CCDC102B: variants seen among roughly 807,000 people sequenced by gnomAD.
The protein encoded by CCDC102B is coiled-coil domain-containing protein 102B.
A neutral mutation model predicts 57.4 loss-of-function variants in CCDC102B; 75 were observed. The observed-to-expected ratio is 1.31, with a 90% CI of 1.08 to 1.58. The LOEUF is 1.58. Ranked by LOEUF, CCDC102B falls within the 40% of genes most tolerant of loss-of-function variation. The pLI, the probability that CCDC102B is intolerant of heterozygous loss-of-function variation, is 0.00. For synonymous variants in CCDC102B, 206 were observed against 201.9 expected, an observed-to-expected ratio of 1.02 and a Z score of -0.17; for missense variants, 636 against 582.6, an observed-to-expected ratio of 1.09 and a Z score of -0.94.
intron 6 of CCDC102B, among the ~76,000 whole-genome samples, chr18:68,937,034 C>T (rs2049260532): frequency 1.3e-5 from 2 of 151,970 alleles, no homozygotes; most frequent in African/African-American, 4.8e-5. Context: ...ATTTTGCCAA[C>T]CACTTAATCC....
At chr18:68,853,672 TAA>T (rs71175201) in intron 4 of CCDC102B, among the ~76,000 whole-genome samples, 2,225 of 94,344 alleles carry the variant, frequency 0.024, 91 homozygotes, top group African/African-American at 0.089. Context: ...CCCCAAATTG[TAA>T]AAAAAAAAAA....
At chr18:68,865,794 C>G (rs528902216) in intron 4 of CCDC102B, among the ~76,000 whole-genome samples, 156 of 152,228 alleles carry the variant, frequency 1.0e-3, no homozygotes, top group African/African-American at 3.6e-3. Flanking sequence ...TTCTAATTTT[C>G]TCTTTATAAG....
chr18:68,775,422 T>C (rs1012335956), intron 2 of CCDC102B, among the ~76,000 whole-genome samples: 2 of 152,136 alleles, frequency 1.3e-5, no homozygotes, highest in Non-Finnish European at 2.9e-5. Flanking sequence ...GCTTGATATG[T>C]ATTTTGTCTC....
intron 6 of CCDC102B, among the ~76,000 whole-genome samples, chr18:68,965,654 T>TA (rs1033879876): frequency 2.2e-4 from 33 of 151,654 alleles, no homozygotes; most frequent in African/African-American, 6.5e-4. Flanking sequence ...TTTATAAAAT[T>TA]AAAAAAAATC....
chr18:68,880,314 C>T (rs973049385), intron 5 of CCDC102B, among the ~76,000 whole-genome samples: 1 of 152,250 alleles, frequency 6.6e-6, no homozygotes, highest in Non-Finnish European at 1.5e-5. Context: ...AGCCCATGCC[C>T]ACCCGGAACT....
upstream of CCDC102B, among the ~76,000 whole-genome samples, chr18:68,793,590 TATCCATCCATCCATCC>T (rs10628588): frequency 6.7e-6 from 1 of 149,300 alleles, no homozygotes. Flanking sequence ...GTTCATAGAA[TATCCATCCATCCATCC>T]ATCCATCCAT....
Position 68,838,729 on chromosome 18 carries a change from T to A in CCDC102B, c.630T>A (p.Ser210=), listed in dbSNP as rs1374783931. 6.2e-7 allele frequency: 1 copy of A among 1,613,814 alleles called. No homozygotes were observed. The highest frequency in any genetic ancestry group is 1.3e-5 in the African/African-American group (1 of 74,926). Residue 210 remains serine, a synonymous_variant, in exon 3 of 8, where the codon TCT becomes TCA. Transcript: ENST00000360242. The part of the protein sequence containing the change: ...NNKEQGVVID[S]LKLSEEMKPN... Reference sequence around the variant, plus strand: ...AGGAACAAGGTGTGGTTATTGATTCTCTAAAATTAAGTGAGGAGATGAAGC... The same window carrying A: ...AGGAACAAGGTGTGGTTATTGATTCACTAAAATTAAGTGAGGAGATGAAGC...
intron 2 of CCDC102B, chr18:68,720,947 A>C (rs1383523492): frequency 6.6e-6 from 1 of 152,216 alleles, no homozygotes; most frequent in East Asian, 1.9e-4. Flanking sequence ...TGGTCTGTCT[A>C]CTAGTAATCC....
intron 4 of CCDC102B, among the ~76,000 whole-genome samples, chr18:68,852,362 T>A (rs368553882): frequency 2.6e-5 from 4 of 152,182 alleles, no homozygotes; most frequent in Admixed American, 2.0e-4. Flanking sequence ...TGTGGGGGAT[T>A]GTTTCCAGGA....
At chr18:69,008,807 C>T (rs1189201928) in intron 6 of CCDC102B, among the ~76,000 whole-genome samples, 1 of 152,192 alleles carries the variant, frequency 6.6e-6, no homozygotes, top group African/African-American at 2.4e-5. Context: ...TTTATATCAG[C>T]TTGTTTCTTC....
chr18:68,716,508 T>C (rs2032005058), intron 1 of CCDC102B: 1 of 152,222 alleles, frequency 6.6e-6, no homozygotes, highest in Non-Finnish European at 1.5e-5. Flanking sequence ...TAACTGAATA[T>C]TTATTTTTTT....
chr18:68,794,668 C>T (rs1439330153), upstream of CCDC102B, among the ~76,000 whole-genome samples: 4 of 152,044 alleles, frequency 2.6e-5, no homozygotes, highest in Admixed American at 6.6e-5. Context: ...GAATTTTTCT[C>T]GTCTCTTTAT....
chr18:68,837,103 A>G lies in CCDC102B; in HGVS notation c.340A>G (p.Asn114Asp), dbSNP rs761986263. Residue 114 changes from asparagine to aspartate, a missense_variant, in exon 2 of 8, where the codon AAC becomes GAC. Physicochemically the swap from Asn to Asp is conservative, Grantham distance 23. Coordinates refer to ENST00000360242, the MANE Select transcript of CCDC102B (RefSeq NM_024781.3). ...EKWSKVRAER[N>D]SAREEGRQLR... The stretch of plus-strand genomic sequence containing the variant: ...ATGGAGTAAAGTTCGAGCTGAAAGG[A>G]ACAGTGCCAGGGAGGAAGGAAGACA... 1 of 1,614,178 alleles carries G rather than the reference A, an allele frequency of 6.2e-7. No individual in the cohort carries two copies. The highest frequency in any genetic ancestry group is 8.5e-7 in the Non-Finnish European group (1 of 1,180,028).
chr18:68,974,812 A>G (rs1403865130), intron 6 of CCDC102B, among the ~76,000 whole-genome samples: 2 of 152,100 alleles, frequency 1.3e-5, no homozygotes, highest in East Asian at 1.9e-4. Flanking sequence ...CCAGGAACAT[A>G]GAAAAATAAG....
At position 68,823,882 on chromosome 18, in the gene CCDC102B, C is replaced by T. The variant is rs370255583; in HGVS notation, c.-15-12867C>T. On this transcript the variant is annotated intron_variant, in intron 1 of 7. Transcript: ENST00000360242. Reference sequence around the variant, plus strand: ...TTGTGAAATGTATGTTCATGTCCTTCGCCCACTTTTTAATGGGGTCATTTG... The same window carrying T: ...TTGTGAAATGTATGTTCATGTCCTTTGCCCACTTTTTAATGGGGTCATTTG... Among the ~76,000 whole-genome samples the T allele has an allele frequency of 7.2e-5, 11 of 152,050 alleles. No homozygotes were observed. In the South Asian group the frequency reaches 8.3e-4, roughly 11 times the overall value.
At chr18:68,763,906 T>C (rs1244957404) in intron 2 of CCDC102B, among the ~76,000 whole-genome samples, 1 of 151,998 alleles carries the variant, frequency 6.6e-6, no homozygotes, top group East Asian at 1.9e-4. Flanking sequence ...ATATAATAAT[T>C]ACCCTTTGTT....
chr18:68,838,615 T>C, intron 2 of CCDC102B, 91 bp from the exon 3 acceptor site: 1 of 1,497,412 alleles, frequency 6.7e-7, no homozygotes, highest in South Asian at 1.4e-5. Flanking sequence ...TTGGTTGTGG[T>C]ATCGTAACAT....
At position 68,984,235 on chromosome 18, in the gene CCDC102B, A is replaced by G. The variant is rs990222570; in HGVS notation, c.1264-26699A>G. ...AGCTACCACAGGCTTGTTCCAATAC[A>G]TGAATACACTGTCTTCTCATAGCCC... On this transcript the variant is annotated intron_variant, in intron 6 of 7. Transcript: ENST00000360242. Among the ~76,000 whole-genome samples, 9 of 152,158 alleles carry G rather than the reference A, an allele frequency of 5.9e-5. No individual in the cohort carries two copies. The East Asian group carries it at 1.4e-3, about 23-fold the overall frequency.
chr18:69,038,912 G>C (rs1044168141), intron 7 of CCDC102B, among the ~76,000 whole-genome samples: 1 of 151,712 alleles, frequency 6.6e-6, no homozygotes, highest in Non-Finnish European at 1.5e-5. Context: ...AAACATTATC[G>C]AGTGGCTCAA....
Sources: allele counts gnomAD v4.1 joint callset (sites outside exome capture counted in the v4.1 genomes callset), GRCh38; gene constraint gnomAD v4.1.1; transcripts MANE v1.5; gene names NCBI Gene and HGNC (gene_info 2026-07-23, HGNC 2026-07-21).